Variants in ATP10A observed in about 807,000 individuals in gnomAD.
The protein encoded by ATP10A is phospholipid-transporting ATPase VA.
ATP10A carries 111 observed loss-of-function variants against 147.8 expected under a neutral mutation model. The ratio of observed to expected loss-of-function variants is 0.75; its 90% CI spans 0.64 to 0.88. ATP10A has a LOEUF of 0.88. Ranked by LOEUF, ATP10A falls within the 40% of genes least tolerant of loss-of-function variation. The probability of loss-of-function intolerance (pLI) is 0.00; values close to 1 mark genes in which losing one functional copy is unlikely to be tolerated. For synonymous variants in ATP10A, 875 were observed against 841.6 expected (o/e 1.04, Z -0.69); for missense variants, 1,927 against 1,959.0 (o/e 0.98, Z 0.31).
rs1393477420 is a variant in ATP10A, at chr15:25,725,994, C to G, written c.936G>C (p.Trp312Cys). ...ACATGCAAACAAGGAGCAGGACACA[C>G]CAGAGCACGTCGCAGTTCATCTGCC... ...LERQMNCDVL[W>C]CVLLLVCMSL... is the part of the protein sequence containing the mutation. The change falls in exon 5 of 21, where the codon TGG (tryptophan) becomes TGC (cysteine). Residue 312 changes from tryptophan to cysteine, a missense_variant. Trp to Cys is a radical substitution (Grantham distance 215). Transcript: ENST00000555815. The G allele has an allele frequency of 1.2e-6, 2 of 1,614,118 alleles. No individual in the cohort carries two copies.
chr15:25,789,227 C>T (rs1445517322), intron 1 of ATP10A, among the ~76,000 whole-genome samples: 1 of 152,150 alleles, frequency 6.6e-6, no homozygotes, highest in Non-Finnish European at 1.5e-5. Flanking sequence ...TCCCAAAGTG[C>T]TGGGATTACA....
At chr15:25,784,983 A>G (rs1890091221) in intron 1 of ATP10A, among the ~76,000 whole-genome samples, 1 of 151,802 alleles carries the variant, frequency 6.6e-6, no homozygotes. Context: ...CCAGGGACAG[A>G]CCCTGGAAGA....
intron 19 of ATP10A, 143 bp from the exon 20 acceptor site, chr15:25,680,451 C>T (rs930381554): frequency 1.8e-5 from 16 of 905,514 alleles, no homozygotes; most frequent in African/African-American, 1.3e-4. Flanking sequence ...CGCGGGTAAC[C>T]GGTGGGGCTC....
At chr15:25,846,631 C>A (rs1893034908) in intron 1 of ATP10A, among the ~76,000 whole-genome samples, 1 of 152,202 alleles carries the variant, frequency 6.6e-6, no homozygotes, top group Non-Finnish European at 1.5e-5. Flanking sequence ...AAAGAGACAG[C>A]ATGAGAATCA....
At chr15:25,857,996 C>T (rs1273079753) in intron 1 of ATP10A, among the ~76,000 whole-genome samples, 1 of 152,154 alleles carries the variant, frequency 6.6e-6, no homozygotes, top group Non-Finnish European at 1.5e-5. Context: ...GCCTCATGAA[C>T]AAGCCTGCCT....
At chr15:25,857,162 G>A (rs2140920860) in intron 1 of ATP10A, among the ~76,000 whole-genome samples, 1 of 152,278 alleles carries the variant, frequency 6.6e-6, no homozygotes, top group African/African-American at 2.4e-5. Context: ...TAGGAAATTA[G>A]GCTGGGCACA....
At chr15:25,793,950 G>A (rs1890547590) in intron 1 of ATP10A, among the ~76,000 whole-genome samples, 1 of 152,162 alleles carries the variant, frequency 6.6e-6, no homozygotes, top group South Asian at 2.1e-4. Flanking sequence ...GGGAACCCAA[G>A]TCCTGCCCCA....
At chr15:25,798,754 C>A (rs1890801012) in intron 1 of ATP10A, among the ~76,000 whole-genome samples, 1 of 152,198 alleles carries the variant, frequency 6.6e-6, no homozygotes, top group Admixed American at 6.5e-5. Flanking sequence ...AGAGGGAGAA[C>A]AAACTGCAGA....
intron 1 of ATP10A, among the ~76,000 whole-genome samples, chr15:25,782,398 G>T (rs1489407208): frequency 4.6e-5 from 7 of 152,328 alleles, no homozygotes; most frequent in Admixed American, 2.6e-4. Context: ...CTTAAAAATA[G>T]TTGAAATGGC....
chr15:25,824,034 G>A (rs4906786), intron 1 of ATP10A, among the ~76,000 whole-genome samples: 145,503 of 152,286 alleles, frequency 0.96, 69,880 homozygotes, highest in East Asian at 1. Context: ...CTGGATTTAC[G>A]AAAATGGGGG....
chr15:25,851,045 T>TGGGGATCTC (rs1893274762), intron 1 of ATP10A, among the ~76,000 whole-genome samples: 1 of 151,638 alleles, frequency 6.6e-6, no homozygotes, highest in Non-Finnish European at 1.5e-5. Flanking sequence ...GAGGGGTGAG[T>TGGGGATCTC]GGGGATCTCG....
intron 2 of ATP10A, among the ~76,000 whole-genome samples, chr15:25,750,730 T>C (rs1204670612): frequency 3.0e-5 from 3 of 100,782 alleles, no homozygotes; most frequent in Non-Finnish European, 7.4e-5. Context: ...ATGATGATGA[T>C]GATGATGATG....
chr15:25,704,947 G>A (rs768967850), intron 12 of ATP10A, among the ~76,000 whole-genome samples: 1 of 152,232 alleles, frequency 6.6e-6, no homozygotes, highest in Non-Finnish European at 1.5e-5. Flanking sequence ...CTTTGAATGG[G>A]AGGGGAAAGG....
intron 1 of ATP10A, among the ~76,000 whole-genome samples, chr15:25,812,753 A>C (rs1433017317): frequency 6.6e-6 from 1 of 152,228 alleles, no homozygotes; most frequent in Non-Finnish European, 1.5e-5. Context: ...AAGGGTGGCC[A>C]AGCACACTAT....
chr15:25,812,508 C>G (rs1462921263), intron 1 of ATP10A, among the ~76,000 whole-genome samples: 3 of 152,182 alleles, frequency 2.0e-5, no homozygotes, highest in Non-Finnish European at 4.4e-5. Flanking sequence ...TTTCCAAGAA[C>G]ACTTGCATTT....
intron 2 of ATP10A, among the ~76,000 whole-genome samples, chr15:25,759,715 T>C (rs1485154762): frequency 6.6e-6 from 1 of 150,600 alleles, no homozygotes; most frequent in African/African-American, 2.4e-5. Flanking sequence ...GAGGCTAAGG[T>C]GGAGAATCGC....
chr15:25,759,666 C>T (rs751123952), intron 2 of ATP10A, among the ~76,000 whole-genome samples: 25 of 152,002 alleles, frequency 1.6e-4, no homozygotes, highest in Admixed American at 1.6e-3. Flanking sequence ...GAAAATTAGT[C>T]GAGCATGGTG....
chr15:25,775,817 C>T (rs1057130854), intron 2 of ATP10A, among the ~76,000 whole-genome samples: 3 of 152,246 alleles, frequency 2.0e-5, no homozygotes, highest in Non-Finnish European at 2.9e-5. Context: ...CCGACACTGA[C>T]GTGTCCTCTG....
At chr15:25,857,493 AGTTTT>A (rs1228404954) in intron 1 of ATP10A, among the ~76,000 whole-genome samples, 1 of 152,160 alleles carries the variant, frequency 6.6e-6, no homozygotes, top group African/African-American at 2.4e-5. Flanking sequence ...TTTATAGTTT[AGTTTT>A]AAGAAGAGTC....
Sources: allele counts gnomAD v4.1 joint callset (sites outside exome capture counted in the v4.1 genomes callset), GRCh38; gene constraint gnomAD v4.1.1; transcripts MANE v1.5; gene names NCBI Gene and HGNC (gene_info 2026-07-23, HGNC 2026-07-21).